Variants in TNFSF8 observed in about 807,000 individuals in gnomAD.
TNFSF8 encodes tumor necrosis factor ligand superfamily member 8.
TNFSF8 carries 4 observed loss-of-function variants against 22.0 expected under a neutral mutation model. The observed-to-expected ratio is 0.18, with a 90% CI of 0.09 to 0.42. TNFSF8 has a LOEUF of 0.42. TNFSF8 is among the 10% of genes least tolerant of loss of function. The pLI, the probability that TNFSF8 is intolerant of heterozygous loss-of-function variation, is 1.00. For missense variants in TNFSF8, 233 were observed against 281.8 expected (o/e 0.83, Z 1.24); for synonymous variants, 106 against 112.5 (o/e 0.94, Z 0.37).
downstream of TNFSF8, among the ~76,000 whole-genome samples, chr9:114,897,264 GTT>G (rs11353389): frequency 2.9e-4 from 44 of 149,462 alleles, no homozygotes; most frequent in Middle Eastern, 3.5e-3. Flanking sequence ...GAAAAGAACT[GTT>G]TTTTTTTTTC....
chr9:114,911,472 C>T (rs909003842), intron 2 of TNFSF8, among the ~76,000 whole-genome samples: 7 of 152,152 alleles, frequency 4.6e-5, no homozygotes, highest in Non-Finnish European at 1.0e-4. Context: ...GTCATTTCAA[C>T]TATTAGGTTG....
chr9:114,905,105 G>A (rs775917643), intron 3 of TNFSF8, among the ~76,000 whole-genome samples: 20 of 152,230 alleles, frequency 1.3e-4, no homozygotes, highest in Non-Finnish European at 2.6e-4. Context: ...ACTGGTAAGG[G>A]TGACTTTCAG....
At chr9:114,895,013 T>C (rs932780570) in intron 4 of TNFSF8, among the ~76,000 whole-genome samples, 1 of 152,188 alleles carries the variant, frequency 6.6e-6, no homozygotes, top group East Asian at 1.9e-4. Flanking sequence ...ACGGAAGGCA[T>C]AGTCAGAATG....
At chr9:114,924,367 C>T (rs1828031578) in intron 1 of TNFSF8, among the ~76,000 whole-genome samples, 1 of 152,096 alleles carries the variant, frequency 6.6e-6, no homozygotes, top group Admixed American at 6.5e-5. Flanking sequence ...ACCTATAAGA[C>T]ATTTTTGAAC....
intron 2 of TNFSF8, among the ~76,000 whole-genome samples, chr9:114,910,040 C>T (rs1382108886): frequency 6.6e-6 from 1 of 152,196 alleles, no homozygotes; most frequent in African/African-American, 2.4e-5. Flanking sequence ...GGCAGTCTAT[C>T]TTTCAGACAA....
chr9:114,919,472 A>G (rs1045439507), intron 1 of TNFSF8, among the ~76,000 whole-genome samples: 1 of 152,090 alleles, frequency 6.6e-6, no homozygotes, highest in African/African-American at 2.4e-5. Flanking sequence ...CCCCTAATAA[A>G]TTCTTCAGAC....
chr9:114,899,710 G>A (rs575282958), downstream of TNFSF8, among the ~76,000 whole-genome samples: 6 of 152,304 alleles, frequency 3.9e-5, no homozygotes, highest in South Asian at 6.2e-4. Flanking sequence ...ATTGTAAACT[G>A]ACCTGGCACT....
Position 114,903,363 on chromosome 9 carries a change from T to C in TNFSF8, c.*568A>G, listed in dbSNP as rs1827741167. On this transcript the variant is annotated 3_prime_UTR_variant, in exon 4 of 4. Transcript: ENST00000223795. ...CAAGATCAGCCTCCTAGTGCCAGAG[T>C]GACAGTCAGACAGGCATAAACTGGG... 1 of 152,258 alleles carries C rather than the reference T, an allele frequency of 6.6e-6. No individual in the cohort carries two copies. Among genetic ancestry groups the C allele is most frequent in the African/African-American group, 2.4e-5 (1 of 41,392 alleles). 9.4% of individuals were successfully genotyped at this position (152,258 alleles called of 1,614,324 possible). A position where few individuals can be genotyped will look rare whatever the true frequency, so the allele number is the denominator to read the frequency against.
chr9:114,920,181 C>T (rs1044803963), intron 1 of TNFSF8, among the ~76,000 whole-genome samples: 2 of 152,222 alleles, frequency 1.3e-5, no homozygotes, highest in African/African-American at 4.8e-5. Flanking sequence ...AAACAACTTA[C>T]AACTTACTGC....
downstream of TNFSF8, among the ~76,000 whole-genome samples, chr9:114,899,225 T>C (rs1827689439): frequency 6.6e-6 from 1 of 152,172 alleles, no homozygotes; most frequent in African/African-American, 2.4e-5. Context: ...AAGGAAAGTA[T>C]ATTTTTAGCA....
At chr9:114,897,752 A>G (rs1827671349), downstream of TNFSF8, among the ~76,000 whole-genome samples, 1 of 151,976 alleles carries the variant, frequency 6.6e-6, no homozygotes, top group South Asian at 2.1e-4. Context: ...ATGTGATTTG[A>G]TCATAGAGCA....
chr9:114,912,514 TG>T (rs1286548877), intron 2 of TNFSF8, among the ~76,000 whole-genome samples: 1 of 152,190 alleles, frequency 6.6e-6, no homozygotes, highest in African/African-American at 2.4e-5. Flanking sequence ...CTCAGCCTCT[TG>T]AGTAGCTGGG....
At position 114,902,131 on chromosome 9, in the gene TNFSF8, G is replaced by A. The variant is rs561264795; in HGVS notation, c.*1800C>T. On this transcript the variant is annotated 3_prime_UTR_variant, in exon 4 of 4. Transcript: ENST00000223795. ...GTCAAGGTCCTTCCACAAATAAGAT[G>A]TTCCTCCAAAGATGATGTACAGATG... 20 of 985,310 alleles carry A rather than the reference G, an allele frequency of 2.0e-5. No individual in the cohort carries two copies. In the African/African-American group the frequency reaches 3.1e-4, roughly 15 times the overall value. The allele number at this position is 985,310 out of a possible 1,614,324, so 61.0% of individuals were successfully genotyped here. A position where few individuals can be genotyped will look rare whatever the true frequency, so the allele number is the denominator to read the frequency against.
At chr9:114,923,325 T>C (rs568273207) in intron 1 of TNFSF8, among the ~76,000 whole-genome samples, 1 of 152,252 alleles carries the variant, frequency 6.6e-6, no homozygotes, top group African/African-American at 2.4e-5. Context: ...CTAATAAATT[T>C]GGAAGGAGTG....
chr9:114,929,485 G>A (rs368121787), intron 1 of TNFSF8, among the ~76,000 whole-genome samples: 66 of 151,162 alleles, frequency 4.4e-4, no homozygotes, highest in African/African-American at 1.5e-3. Flanking sequence ...CTTCTCTTTC[G>A]CCTCCTTTCC....
Position 114,905,644 on chromosome 9 carries a change from T to G in TNFSF8, c.310+184A>C, listed in dbSNP as rs996805158. Among the ~76,000 whole-genome samples, 43 of 152,170 alleles carry G rather than the reference T, an allele frequency of 2.8e-4. 1 individual carries two copies. Among genetic ancestry groups the G allele is most frequent in the African/African-American group, 9.9e-4 (41 of 41,430 alleles). On this transcript the variant is annotated intron_variant, in intron 3 of 3. Coordinates refer to ENST00000223795, the MANE Select transcript of TNFSF8 (RefSeq NM_001244.4). Reference sequence around the variant, plus strand: ...AGAGAAGCCTTGTAGCTTTGGAGAATGACGCTCTCCCCGCTAAGACATTCA... The same window carrying G: ...AGAGAAGCCTTGTAGCTTTGGAGAAGGACGCTCTCCCCGCTAAGACATTCA...
chr9:114,923,522 C>CTTTCTTTCTTTCTTTCTT (rs758823996), intron 1 of TNFSF8, among the ~76,000 whole-genome samples: 1,745 of 89,496 alleles, frequency 0.019, 13 homozygotes, highest in Non-Finnish European at 0.025. Flanking sequence ...TTCTTTCTTT[C>CTTTCTTTCTTTCTTTCTT]TTTTTTTTTT....
rs1405277247 is a variant in TNFSF8 at position 114,911,356 on chromosome 9, G to A, written c.239-5457C>T. Among the ~76,000 whole-genome samples the A allele has an allele frequency of 2.0e-5, 3 of 152,152 alleles. No homozygotes were observed. The East Asian group carries it at 5.8e-4, about 29-fold the overall frequency. ...CCATGCCCTGGCTTCTTCATTCCAG[G>A]CTTCAGGGACAATATCCAGGAGAGT... On this transcript the variant is annotated intron_variant, in intron 2 of 3. Coordinates refer to ENST00000223795, the MANE Select transcript of TNFSF8 (RefSeq NM_001244.4).
chr9:114,899,405 G>A (rs958715146), downstream of TNFSF8, among the ~76,000 whole-genome samples: 4 of 147,854 alleles, frequency 2.7e-5, no homozygotes, highest in Admixed American at 6.9e-5. Flanking sequence ...CTGGGTCATG[G>A]TAGAAAAAAA....
Sources: allele counts gnomAD v4.1 joint callset (sites outside exome capture counted in the v4.1 genomes callset), GRCh38; gene constraint gnomAD v4.1.1; transcripts MANE v1.5; gene names NCBI Gene and HGNC (gene_info 2026-07-23, HGNC 2026-07-21).